RAB38: variants seen among roughly 807,000 people sequenced by gnomAD.
RAB38 encodes the protein ras-related protein Rab-38.
Under a neutral mutation model 18.4 loss-of-function variants are expected in RAB38, and 15 were observed. The ratio of observed to expected loss-of-function variants is 0.82; its 90% CI spans 0.55 to 1.26. The LOEUF is 1.26. RAB38 is among the 50% of genes most tolerant of loss of function. RAB38 has a pLI of 0.00. For synonymous variants in RAB38, 101 were observed against 104.4 expected, an observed-to-expected ratio of 0.97 and a Z score of 0.20; for missense variants, 294 against 267.4, an observed-to-expected ratio of 1.10 and a Z score of -0.69.
At chr11:87,818,790 AC>A in the RAB38 span, among the ~76,000 whole-genome samples, 2 of 151,596 alleles carry the variant, frequency 1.3e-5, no homozygotes, top group African/African-American at 4.9e-5. Flanking sequence ...GTATATAAAC[AC>A]TTAGATAAAG....
chr11:88,095,649 T>A, the RAB38 span, among the ~76,000 whole-genome samples: 3 of 151,962 alleles, frequency 2.0e-5, no homozygotes, highest in Non-Finnish European at 2.9e-5. Flanking sequence ...AGCTGATGAA[T>A]TCCAAAGTTT....
the RAB38 span, among the ~76,000 whole-genome samples, chr11:87,944,356 G>C: frequency 1.3e-5 from 2 of 152,124 alleles, no homozygotes; most frequent in Non-Finnish European, 2.9e-5. Context: ...TTTGGGTTAG[G>C]TGCAAATTCT....
the RAB38 span, among the ~76,000 whole-genome samples, chr11:88,091,170 C>T: frequency 6.6e-6 from 1 of 151,934 alleles, no homozygotes; most frequent in Non-Finnish European, 1.5e-5. Flanking sequence ...CCCTAGCTCA[C>T]CCAATATTGG....
chr11:88,052,234 A>G, the RAB38 span, among the ~76,000 whole-genome samples: 1 of 152,204 alleles, frequency 6.6e-6, no homozygotes. Flanking sequence ...ATAGATCAGT[A>G]GAACTTCTCC....
chr11:88,048,416 C>T, the RAB38 span, among the ~76,000 whole-genome samples: 12 of 152,254 alleles, frequency 7.9e-5, no homozygotes, highest in African/African-American at 2.9e-4. Flanking sequence ...TACCCCTTAC[C>T]ATCCTCAATC....
At chr11:87,949,011 T>G in the RAB38 span, among the ~76,000 whole-genome samples, 1 of 152,150 alleles carries the variant, frequency 6.6e-6, no homozygotes, top group Non-Finnish European at 1.5e-5. Flanking sequence ...TGTGAATCCA[T>G]CTGGTCCTGG....
At chr11:87,894,377 C>G in the RAB38 span, among the ~76,000 whole-genome samples, 6 of 151,530 alleles carry the variant, frequency 4.0e-5, no homozygotes, top group Admixed American at 2.0e-4. Context: ...ACTATAGTAG[C>G]CTTTTTAAGG....
the RAB38 span, among the ~76,000 whole-genome samples, chr11:87,963,651 CTTTTTTTT>C: frequency 7.0e-6 from 1 of 143,372 alleles, no homozygotes; most frequent in South Asian, 2.2e-4. Context: ...TTCTTTTTTT[CTTTTTTTT>C]TTTTTGAGAC....
At chr11:87,943,496 T>C in the RAB38 span, among the ~76,000 whole-genome samples, 1 of 152,138 alleles carries the variant, frequency 6.6e-6, no homozygotes, top group African/African-American at 2.4e-5. Context: ...TGCCGTGGTT[T>C]TGTGCAAAGC....
chr11:88,081,656 C>T, the RAB38 span, among the ~76,000 whole-genome samples: 1 of 151,852 alleles, frequency 6.6e-6, no homozygotes, highest in Non-Finnish European at 1.5e-5. Flanking sequence ...TTCTGTATTT[C>T]ATAGAAGGAC....
chr11:87,850,062 T>G, the RAB38 span, among the ~76,000 whole-genome samples: 1 of 152,068 alleles, frequency 6.6e-6, no homozygotes, highest in East Asian at 1.9e-4. Flanking sequence ...GTACACATAC[T>G]CTCTCACACG....
the RAB38 span, among the ~76,000 whole-genome samples, chr11:87,941,214 G>GATATATATATATATATAT: frequency 8.2e-3 from 515 of 62,450 alleles, 23 homozygotes; most frequent in African/African-American, 0.012. Flanking sequence ...AAATATATGA[G>GATATATATATATATATAT]ATATATATAT....
At chr11:87,963,935 C>A in the RAB38 span, among the ~76,000 whole-genome samples, 3 of 151,828 alleles carry the variant, frequency 2.0e-5, no homozygotes, top group East Asian at 5.8e-4. Context: ...CGTGAGCCAC[C>A]GCTCACTAAA....
chr11:87,827,825 C>T, the RAB38 span, among the ~76,000 whole-genome samples: 1 of 152,146 alleles, frequency 6.6e-6, no homozygotes, highest in Non-Finnish European at 1.5e-5. Context: ...CTGCTCTAAA[C>T]TGTACCTTAC....
At chr11:88,131,382 A>G (rs757606603) in intron 2 of RAB38, among the ~76,000 whole-genome samples, 10 of 152,148 alleles carry the variant, frequency 6.6e-5, no homozygotes, top group Non-Finnish European at 1.3e-4. Context: ...TTGGCATTTC[A>G]AATTTTACCC....
chr11:87,902,425 A>T, the RAB38 span, among the ~76,000 whole-genome samples: 1 of 151,472 alleles, frequency 6.6e-6, no homozygotes, highest in Non-Finnish European at 1.5e-5. Context: ...TGGGGGGTCT[A>T]TTTCTGGACT....
the RAB38 span, among the ~76,000 whole-genome samples, chr11:88,101,469 G>A: frequency 1.3e-5 from 2 of 151,428 alleles, no homozygotes; most frequent in East Asian, 1.9e-4. Flanking sequence ...CAAAATTTAC[G>A]CTGTATAAAA....
At chr11:87,921,465 T>C in the RAB38 span, among the ~76,000 whole-genome samples, 1 of 151,644 alleles carries the variant, frequency 6.6e-6, no homozygotes, top group African/African-American at 2.4e-5. Flanking sequence ...TTTAGTAAGT[T>C]AGGCATATTA....
chr11:87,855,335 A>G, the RAB38 span, among the ~76,000 whole-genome samples: 6 of 152,262 alleles, frequency 3.9e-5, no homozygotes, highest in East Asian at 7.7e-4. Context: ...CATAGTTTCC[A>G]TGGTGATCTC....
Sources: allele counts gnomAD v4.1 joint callset (sites outside exome capture counted in the v4.1 genomes callset), GRCh38; gene constraint gnomAD v4.1.1; transcripts MANE v1.5; gene names NCBI Gene and HGNC (gene_info 2026-07-23, HGNC 2026-07-21).